Variants in NUP160 observed in about 807,000 individuals in gnomAD.
NUP160 encodes nuclear pore complex protein Nup160.
A neutral mutation model predicts 196.9 loss-of-function variants in NUP160; 94 were observed. That is an observed-to-expected ratio of 0.48 (90% confidence interval 0.40 to 0.57). NUP160 has a LOEUF of 0.57. Among genes scored for constraint, NUP160 ranks in the 20% least tolerant of loss-of-function variants. NUP160 has a pLI of 0.00. For missense variants in NUP160, 1,638 were observed against 1,748.3 expected (o/e 0.94, Z 1.13); for synonymous variants, 605 against 619.7 (o/e 0.98, Z 0.35).
intron 23 of NUP160, among the ~76,000 whole-genome samples, chr11:47,798,793 G>A (rs1326555113): frequency 2.6e-5 from 4 of 152,026 alleles, no homozygotes; most frequent in Non-Finnish European, 4.4e-5. Context: ...TCCTGCCACT[G>A]CATTTCAGCC....
At chr11:47,821,519 G>A in intron 9 of NUP160, 1 of 522,258 alleles carries the variant, frequency 1.9e-6, no homozygotes, top group Non-Finnish European at 3.4e-6. Context: ...CCTGCCACCA[G>A]GCCCAGCTAA....
chr11:47,806,092 G>A, intron 20 of NUP160, 61 bp downstream of exon 20: 1 of 1,508,964 alleles, frequency 6.6e-7, no homozygotes, highest in Non-Finnish European at 9.2e-7. Context: ...GGGATTACAG[G>A]TGTGAGCCAA....
chr11:47,788,332 G>C, intron 30 of NUP160, 27 bp from the exon 31 acceptor site: 1 of 1,613,158 alleles, frequency 6.2e-7, no homozygotes, highest in South Asian at 1.1e-5. Context: ...AGATTATTTC[G>C]TGTAGCCAAG....
chr11:47,788,876 C>CT (rs576717550), intron 29 of NUP160, among the ~76,000 whole-genome samples: 1,621 of 140,952 alleles, frequency 0.012, 9 homozygotes, highest in Middle Eastern at 0.015. Flanking sequence ...ACTCTTTAAA[C>CT]TTTTTTTTTT....
intron 7 of NUP160, among the ~76,000 whole-genome samples, chr11:47,830,517 T>C (rs894003954): frequency 2.0e-5 from 3 of 152,150 alleles, no homozygotes; most frequent in Non-Finnish European, 2.9e-5. Flanking sequence ...TCATGGAATA[T>C]ATGCAGCCAC....
At chr11:47,782,303 A>AATAT (rs10529981) in intron 34 of NUP160, among the ~76,000 whole-genome samples, 27 of 40,462 alleles carry the variant, frequency 6.7e-4, no homozygotes, top group South Asian at 9.6e-4. Context: ...AAAAAAAAAA[A>AATAT]ATATATATAT....
At chr11:47,830,879 A>G (rs4519055) in intron 7 of NUP160, among the ~76,000 whole-genome samples, 141,200 of 152,016 alleles carry the variant, frequency 0.93, 66,479 homozygotes, top group East Asian at 1. Flanking sequence ...AAAAAAAAAG[A>G]GCAGCCGAGC....
chr11:47,784,495 T>C (rs1169422526), intron 33 of NUP160, among the ~76,000 whole-genome samples: 1 of 152,198 alleles, frequency 6.6e-6, no homozygotes, highest in East Asian at 1.9e-4. Context: ...CATATGCTCA[T>C]TGTTCTAAAT....
At chr11:47,811,475 T>C (rs1172115985) in intron 17 of NUP160, among the ~76,000 whole-genome samples, 8 of 149,444 alleles carry the variant, frequency 5.4e-5, no homozygotes, top group Admixed American at 6.7e-5. Flanking sequence ...CAGAGCAAGA[T>C]TGTCTCAAGA....
chr11:47,839,596 T>G, intron 4 of NUP160: 1 of 469,702 alleles, frequency 2.1e-6, no homozygotes, highest in Non-Finnish European at 3.8e-6. Flanking sequence ...GCAACCCATC[T>G]CTACTACAAG....
chr11:47,808,926 C>T (rs954965697), intron 17 of NUP160, among the ~76,000 whole-genome samples: 4 of 151,918 alleles, frequency 2.6e-5, no homozygotes, highest in African/African-American at 7.2e-5. Context: ...ACAGTGAAAC[C>T]CCGTCTGTAG....
Position 47,819,436 on chromosome 11 carries a change from G to T in NUP160, c.1300C>A (p.Pro434Thr), listed in dbSNP as rs1444986221. The T allele has an allele frequency of 4.3e-6, 7 of 1,613,314 alleles. No individual in the cohort carries two copies. In the Middle Eastern group the frequency reaches 6.6e-4, roughly 152 times the overall value. The change falls in exon 10 of 36, where the codon CCA (proline) becomes ACA (threonine). Residue 434 changes from proline (P) to threonine (T), a missense_variant. Coordinates refer to ENST00000378460, the Ensembl canonical transcript of NUP160. Reference sequence around the variant, plus strand: ...TCTGGCAGAGGCTGCATAAAAACTGGATTCCACTGACCTGCAACATTACTA... The same window carrying T: ...TCTGGCAGAGGCTGCATAAAAACTGTATTCCACTGACCTGCAACATTACTA...
intron 8 of NUP160, 96 bp from the exon 9 acceptor site, chr11:47,821,917 GA>G: frequency 9.2e-7 from 1 of 1,088,456 alleles, no homozygotes. Context: ...GTAAATGTAT[GA>G]AAACAAAACA....
At chr11:47,837,127 T>C in intron 5 of NUP160, 126 bp from the exon 6 acceptor site, 1 of 561,242 alleles carries the variant, frequency 1.8e-6, no homozygotes, top group Non-Finnish European at 3.2e-6. Flanking sequence ...AGAGCTTATA[T>C]GCTGGTATAA....
chr11:47,802,899 C>A (rs1382186149), intron 22 of NUP160, among the ~76,000 whole-genome samples: 1 of 152,034 alleles, frequency 6.6e-6, no homozygotes, highest in Non-Finnish European at 1.5e-5. Flanking sequence ...GTAGGAGAAT[C>A]ACTTGAGCCC....
At chr11:47,796,031 G>A (rs890285409) in intron 27 of NUP160, 17 of 178,302 alleles carry the variant, frequency 9.5e-5, no homozygotes, top group African/African-American at 3.8e-4. Flanking sequence ...GTAGGCACCT[G>A]TAATCCCAGC....
At chr11:47,817,147 CTATTAT>C (rs753493865) in intron 11 of NUP160, among the ~76,000 whole-genome samples, 3 of 150,836 alleles carry the variant, frequency 2.0e-5, no homozygotes, top group Non-Finnish European at 4.4e-5. Flanking sequence ...GGCTATTTTT[CTATTAT>C]TATTATTTTT....
At chr11:47,839,725 G>T in intron 4 of NUP160, 118 bp downstream of exon 4, 1 of 835,474 alleles carries the variant, frequency 1.2e-6, no homozygotes, top group Non-Finnish European at 2.0e-6. Flanking sequence ...AAGCAATAAT[G>T]AATGACCAGT....
chr11:47,827,021 C>T, intron 7 of NUP160: 1 of 456,068 alleles, frequency 2.2e-6, no homozygotes, highest in South Asian at 1.5e-5. Flanking sequence ...GAAAACCACT[C>T]AAGAAACTAG....
Sources: gnomAD v4.1 joint callset for allele counts (sites outside exome capture counted in the v4.1 genomes callset) on GRCh38, gnomAD v4.1.1 for gene constraint, MANE v1.5 for transcripts, NCBI Gene and HGNC (gene_info 2026-07-23, HGNC 2026-07-21) for gene names.